Variants in MED27 observed in about 807,000 individuals in gnomAD.
MED27 encodes mediator complex subunit 27.
Under a neutral mutation model 38.2 loss-of-function variants are expected in MED27, and 30 were observed. The observed-to-expected ratio is 0.79, with a 90% CI of 0.59 to 1.07. MED27 has a LOEUF of 1.07. Ranked by LOEUF, MED27 falls within the 50% of genes least tolerant of loss-of-function variation. The pLI, the probability that MED27 is intolerant of heterozygous loss-of-function variation, is 0.00. For missense variants in MED27, 289 were observed against 397.5 expected (o/e 0.73, Z 2.32); for synonymous variants, 122 against 153.5 (o/e 0.79, Z 1.52).
intron 2 of MED27, among the ~76,000 whole-genome samples, chr9:132,020,633 G>C (rs185585025): frequency 6.6e-6 from 1 of 152,254 alleles, no homozygotes; most frequent in Admixed American, 6.5e-5. Context: ...CAGCTAATGA[G>C]AAAGAATCAT....
At chr9:131,949,296 T>G (rs1039018308) in intron 3 of MED27, among the ~76,000 whole-genome samples, 1 of 152,218 alleles carries the variant, frequency 6.6e-6, no homozygotes, top group African/African-American at 2.4e-5. Flanking sequence ...GGCCCGAGCT[T>G]GGCCTTTCTG....
At chr9:131,921,841 C>T (rs1830397348) in intron 4 of MED27, among the ~76,000 whole-genome samples, 1 of 152,138 alleles carries the variant, frequency 6.6e-6, no homozygotes, top group Non-Finnish European at 1.5e-5. Flanking sequence ...ACTATGCAGC[C>T]ATAAAAAAGG....
chr9:132,036,674 A>G (rs1833087200), intron 2 of MED27, among the ~76,000 whole-genome samples: 1 of 152,214 alleles, frequency 6.6e-6, no homozygotes, highest in African/African-American at 2.4e-5. Flanking sequence ...AACAGAAGTT[A>G]TACTATGCAT....
Position 132,003,969 on chromosome 9 carries a change from T to C in MED27, c.479+10368A>G, listed in dbSNP as rs1193878669. ...TACATAAAGGCTTTCAGAGTGAACA[T>C]ACACACACACACATACACAGAAATT... On this transcript the variant is annotated intron_variant, in intron 3 of 7. Coordinates refer to ENST00000292035, the MANE Select transcript of MED27 (RefSeq NM_004269.4). This position sits in a 1 kb window ranked among gnomAD's most constrained non-coding sequence, Gnocchi z 4.2. Among the ~76,000 whole-genome samples, 1 of 151,736 alleles carries C rather than the reference T, an allele frequency of 6.6e-6. No individual in the cohort carries two copies. The highest frequency in any genetic ancestry group is 6.6e-5 in the Admixed American group (1 of 15,246).
chr9:132,030,481 C>T (rs1176246562), intron 2 of MED27, among the ~76,000 whole-genome samples: 1 of 152,136 alleles, frequency 6.6e-6, no homozygotes, highest in Non-Finnish European at 1.5e-5. Flanking sequence ...TTTTCAGGAG[C>T]TTCGTGTTTT....
chr9:132,073,126 A>C (rs1833977214), intron 2 of MED27, among the ~76,000 whole-genome samples: 1 of 152,076 alleles, frequency 6.6e-6, no homozygotes, highest in African/African-American at 2.4e-5. Context: ...TGCTACAATC[A>C]GCCTTCAAAG....
rs899819339 is a variant in MED27, at chr9:131,930,514, T to C, written c.573+8867A>G. Among the ~76,000 whole-genome samples, 3 of 152,050 alleles carry C rather than the reference T, an allele frequency of 2.0e-5. No homozygotes were observed. In the East Asian group the frequency reaches 5.8e-4, roughly 29 times the overall value. Reference sequence around the variant, plus strand: ...TTTTACCCTAGAATAGTATATCCTATGAAAATATCCTTCAAGCATGAAGGA... The same window carrying C: ...TTTTACCCTAGAATAGTATATCCTACGAAAATATCCTTCAAGCATGAAGGA... On this transcript the variant is annotated intron_variant, in intron 4 of 7. Coordinates refer to ENST00000292035, the MANE Select transcript of MED27 (RefSeq NM_004269.4).
chr9:132,004,370 G>T (rs1257160096), intron 3 of MED27, among the ~76,000 whole-genome samples: 2 of 152,126 alleles, frequency 1.3e-5, no homozygotes, highest in African/African-American at 2.4e-5. Flanking sequence ...TTTTTCTCTT[G>T]CCCAAAGAGA....
intron 5 of MED27, among the ~76,000 whole-genome samples, chr9:131,891,926 G>A (rs1056980705): frequency 2.0e-5 from 3 of 152,206 alleles, no homozygotes; most frequent in Admixed American, 1.3e-4. Context: ...TGACAGCCTA[G>A]ACCGGCGGGA....
At chr9:131,963,930 T>A (rs1055458266) in intron 3 of MED27, among the ~76,000 whole-genome samples, 7 of 152,162 alleles carry the variant, frequency 4.6e-5, no homozygotes, top group Admixed American at 4.6e-4. Context: ...CTCTCCATAC[T>A]TCTTGGTTCT....
chr9:131,978,051 G>A (rs933329501), intron 3 of MED27, among the ~76,000 whole-genome samples: 1 of 152,192 alleles, frequency 6.6e-6, no homozygotes, highest in African/African-American at 2.4e-5. Context: ...CCTCCTGCTA[G>A]AACACAATAC....
At chr9:132,029,966 A>G (rs1777993992) in intron 2 of MED27, among the ~76,000 whole-genome samples, 1 of 152,220 alleles carries the variant, frequency 6.6e-6, no homozygotes, top group African/African-American at 2.4e-5. Flanking sequence ...GGCAGGAGGT[A>G]GAAAAGGGTG....
intron 2 of MED27, among the ~76,000 whole-genome samples, chr9:132,071,417 CA>C (rs562904135): frequency 2.7e-5 from 4 of 150,586 alleles, no homozygotes; most frequent in Non-Finnish European, 5.9e-5. Flanking sequence ...CGAGCACACA[CA>C]CACATGAATA....
At position 131,994,404 on chromosome 9, in the gene MED27, A is replaced by C. The variant is rs537366194; in HGVS notation, c.479+19933T>G. 1.2e-4 allele frequency among the ~76,000 whole-genome samples: 18 copies of C among 152,278 alleles called. No homozygotes were observed. In the South Asian group the frequency reaches 3.3e-3, roughly 28 times the overall value. On this transcript the variant is annotated intron_variant, in intron 3 of 7. Coordinates refer to ENST00000292035, the MANE Select transcript of MED27 (RefSeq NM_004269.4). ...CACCCCCAATACTGCATTAAAAACC[A>C]ATATTGCATCCCAGGGCAATGGCAG... is the stretch of plus-strand genomic sequence containing the variant.
At chr9:132,017,836 T>A (rs917606139) in intron 2 of MED27, among the ~76,000 whole-genome samples, 1 of 152,224 alleles carries the variant, frequency 6.6e-6, no homozygotes, top group Non-Finnish European at 1.5e-5. Flanking sequence ...ACTAATTACC[T>A]CTATACCTGA....
rs111787488 is a variant in MED27, at chr9:132,061,301, A to G, written c.348+16141T>C. On this transcript the variant is annotated intron_variant, in intron 2 of 7. Coordinates refer to ENST00000292035, the MANE Select transcript of MED27 (RefSeq NM_004269.4). ...GTCCCTTGAGGGCCAAGGAGTGGCT[A>G]TGGGAGGGTATGTCTCAGTCTCAGC... Among the ~76,000 whole-genome samples the G allele has an allele frequency of 1.4e-3, 208 of 152,294 alleles. 2 individuals carry two copies. The highest frequency in any genetic ancestry group is 6.8e-3 in the Middle Eastern group (2 of 294).
chr9:132,015,119 C>T (rs1490570550), intron 2 of MED27, among the ~76,000 whole-genome samples: 1 of 152,224 alleles, frequency 6.6e-6, no homozygotes, highest in Non-Finnish European at 1.5e-5. Context: ...TACTATCAGT[C>T]TGCATTCAGA....
intron 2 of MED27, among the ~76,000 whole-genome samples, chr9:132,055,312 T>A (rs564008128): frequency 6.6e-6 from 1 of 152,154 alleles, no homozygotes. Context: ...CCAGACTGAA[T>A]CTATAAGGAA....
chr9:132,052,628 C>T (rs1188401065), intron 2 of MED27, among the ~76,000 whole-genome samples: 1 of 152,028 alleles, frequency 6.6e-6, no homozygotes, highest in East Asian at 1.9e-4. Context: ...TAGTATACAT[C>T]GTCGCTGTTA....
Sources: allele counts gnomAD v4.1 joint callset (sites outside exome capture counted in the v4.1 genomes callset), GRCh38; gene constraint gnomAD v4.1.1; non-coding constraint Gnocchi (gnomAD v3.1); transcripts MANE v1.5; gene names NCBI Gene and HGNC (gene_info 2026-07-23, HGNC 2026-07-21).